ARHGAP15: variants seen among roughly 807,000 people sequenced by gnomAD.
ARHGAP15 encodes Rho GTPase activating protein 15.
Under a neutral mutation model 63.7 loss-of-function variants are expected in ARHGAP15, and 51 were observed. The ratio of observed to expected loss-of-function variants is 0.80; its 90% CI spans 0.64 to 1.01. ARHGAP15 has a LOEUF of 1.01. ARHGAP15 is among the 50% of genes least tolerant of loss of function. ARHGAP15 has a pLI of 0.00. For synonymous variants in ARHGAP15, 191 were observed against 193.8 expected (o/e 0.99, Z 0.12); for missense variants, 560 against 564.6 (o/e 0.99, Z 0.08).
intron 12 of ARHGAP15, among the ~76,000 whole-genome samples, chr2:143,625,738 G>A (rs747804561): frequency 3.2e-4 from 48 of 152,270 alleles, no homozygotes; most frequent in Non-Finnish European, 5.9e-4. Flanking sequence ...TTGGAACAGC[G>A]TTCTGGTAGG....
chr2:143,213,303 C>T (rs1482179832), intron 3 of ARHGAP15, among the ~76,000 whole-genome samples: 3 of 152,086 alleles, frequency 2.0e-5, no homozygotes, highest in Non-Finnish European at 4.4e-5. Context: ...CACCTGAGGT[C>T]GAGAGTTCAA....
intron 12 of ARHGAP15, among the ~76,000 whole-genome samples, chr2:143,653,086 A>G (rs1475539299): frequency 6.6e-6 from 1 of 152,072 alleles, no homozygotes; most frequent in African/African-American, 2.4e-5. Context: ...TTTAATCACA[A>G]ATAGATGCTG....
chr2:143,346,250 T>TCA (rs138964635), intron 6 of ARHGAP15, among the ~76,000 whole-genome samples: 11,404 of 138,326 alleles, frequency 0.082, 760 homozygotes, highest in African/African-American at 0.2. Flanking sequence ...ACACACACAC[T>TCA]CACACACACA....
intron 10 of ARHGAP15, among the ~76,000 whole-genome samples, chr2:143,528,608 G>T (rs576048126): frequency 4.6e-5 from 7 of 152,018 alleles, no homozygotes; most frequent in African/African-American, 1.7e-4. Flanking sequence ...CTCTGCTGTT[G>T]CTATCAAAAG....
intron 12 of ARHGAP15, among the ~76,000 whole-genome samples, chr2:143,656,963 G>A (rs1681475287): frequency 6.7e-6 from 1 of 148,198 alleles, no homozygotes. Context: ...GTGTGTGTGT[G>A]TGTGTGTGTG....
At chr2:143,282,599 G>A (rs1681907265) in intron 6 of ARHGAP15, among the ~76,000 whole-genome samples, 2 of 147,782 alleles carry the variant, frequency 1.4e-5, no homozygotes, top group Admixed American at 6.6e-5. Context: ...CCAACAACAT[G>A]TGGGAATTGT....
At chr2:143,176,318 A>G (rs1442216616) in intron 2 of ARHGAP15, among the ~76,000 whole-genome samples, 2 of 152,188 alleles carry the variant, frequency 1.3e-5, no homozygotes, top group African/African-American at 4.8e-5. Flanking sequence ...TTCAAAAACA[A>G]TTGAGAAAAG....
At chr2:143,761,373 G>A (rs545459164) in intron 13 of ARHGAP15, among the ~76,000 whole-genome samples, 1 of 152,290 alleles carries the variant, frequency 6.6e-6, no homozygotes, top group South Asian at 2.1e-4. Context: ...AGTTATGTGT[G>A]TTGGAAAATC....
At chr2:143,369,063 C>A (rs1426171674) in intron 6 of ARHGAP15, among the ~76,000 whole-genome samples, 1 of 151,942 alleles carries the variant, frequency 6.6e-6, no homozygotes, top group Non-Finnish European at 1.5e-5. Flanking sequence ...GCCCAAAAAA[C>A]AATAAAAAAT....
At chr2:143,762,719 G>T (rs1686803652) in intron 13 of ARHGAP15, among the ~76,000 whole-genome samples, 1 of 152,006 alleles carries the variant, frequency 6.6e-6, no homozygotes, top group Admixed American at 6.6e-5. Flanking sequence ...TTTTCTGCAG[G>T]ACTTTTCAGA....
intron 6 of ARHGAP15, among the ~76,000 whole-genome samples, chr2:143,290,443 G>T (rs930622857): frequency 2.6e-4 from 40 of 151,960 alleles, no homozygotes; most frequent in African/African-American, 9.7e-4. Context: ...AAAAAAAAGG[G>T]CAGCGGCTAT....
chr2:143,172,953 C>T (rs184915952), intron 2 of ARHGAP15, among the ~76,000 whole-genome samples: 21 of 152,062 alleles, frequency 1.4e-4, no homozygotes, highest in East Asian at 7.7e-4. Flanking sequence ...GGGCTCGAAC[C>T]TTTAAGGAGC....
intron 6 of ARHGAP15, among the ~76,000 whole-genome samples, chr2:143,325,054 A>C (rs1482268841): frequency 6.6e-6 from 1 of 152,140 alleles, no homozygotes; most frequent in African/African-American, 2.4e-5. Flanking sequence ...ATTTCTTATG[A>C]ATCACAATTT....
chr2:143,476,763 A>G (rs1691835967), intron 8 of ARHGAP15, among the ~76,000 whole-genome samples: 1 of 152,226 alleles, frequency 6.6e-6, no homozygotes, highest in Admixed American at 6.5e-5. Context: ...ACACATAGCA[A>G]TTTACAGTAC....
At chr2:143,546,173 C>T (rs998127801) in intron 10 of ARHGAP15, among the ~76,000 whole-genome samples, 3 of 152,066 alleles carry the variant, frequency 2.0e-5, no homozygotes, top group Non-Finnish European at 4.4e-5. Flanking sequence ...ATTCCTGAAT[C>T]TCAATCATCC....
intron 9 of ARHGAP15, among the ~76,000 whole-genome samples, chr2:143,517,310 T>A (rs1272253454): frequency 1.3e-5 from 2 of 152,180 alleles, no homozygotes; most frequent in Admixed American, 1.3e-4. Context: ...TGTCACCAAT[T>A]CAAACCATTA....
chr2:143,625,835 A>C (rs13393509), intron 12 of ARHGAP15, among the ~76,000 whole-genome samples: 2,418 of 152,198 alleles, frequency 0.016, 68 homozygotes, highest in African/African-American at 0.056. Context: ...TCATCTCCAC[A>C]CATTCAAGTG....
chr2:143,390,370 C>A (rs1687483728), intron 6 of ARHGAP15, among the ~76,000 whole-genome samples: 1 of 152,096 alleles, frequency 6.6e-6, no homozygotes, highest in Non-Finnish European at 1.5e-5. Context: ...GTCATCTTAC[C>A]ATCTGTCAGC....
chr2:143,758,065 C>G (rs1272471597), intron 13 of ARHGAP15, among the ~76,000 whole-genome samples: 1 of 151,958 alleles, frequency 6.6e-6, no homozygotes, highest in Non-Finnish European at 1.5e-5. Context: ...AACCTAAAAA[C>G]CAACCAGCAG....
Sources: allele counts gnomAD v4.1 joint callset (sites outside exome capture counted in the v4.1 genomes callset), GRCh38; gene constraint gnomAD v4.1.1; transcripts MANE v1.5; gene names NCBI Gene and HGNC (gene_info 2026-07-23, HGNC 2026-07-21).